Variants in CACNA1E observed in about 807,000 individuals in gnomAD.
CACNA1E encodes voltage-dependent R-type calcium channel subunit alpha-1E.
A neutral mutation model predicts 259.2 loss-of-function variants in CACNA1E; 40 were observed. That is an observed-to-expected ratio of 0.15 (90% CI 0.12 to 0.20). The LOEUF is 0.20. CACNA1E is among the 10% of genes least tolerant of loss of function. CACNA1E has a pLI of 1.00. For synonymous variants in CACNA1E, 1,104 were observed against 1,138.5 expected (o/e 0.97, Z 0.61); for missense variants, 1,874 against 3,040.1 (o/e 0.62, Z 9.02).
At chr1:181,634,257 C>A (rs936183882) in intron 6 of CACNA1E, among the ~76,000 whole-genome samples, 1 of 152,138 alleles carries the variant, frequency 6.6e-6, no homozygotes, top group Admixed American at 6.5e-5. Context: ...TAAAAGAAAT[C>A]AGGTATGAGA....
chr1:181,773,546 C>G (rs751675435), intron 37 of CACNA1E, among the ~76,000 whole-genome samples: 22 of 151,926 alleles, frequency 1.4e-4, no homozygotes, highest in Non-Finnish European at 2.6e-4. Context: ...AAGAAAAAAC[C>G]CCCTGAAATT....
At chr1:181,477,147 G>GC (rs71571281) in intron 2 of CACNA1E, among the ~76,000 whole-genome samples, 11 of 150,748 alleles carry the variant, frequency 7.3e-5, no homozygotes, top group South Asian at 6.3e-4. Flanking sequence ...CTTGTGTACT[G>GC]CCCCCCTCCC....
intron 3 of CACNA1E, among the ~76,000 whole-genome samples, chr1:181,549,706 G>T (rs12117905): frequency 0.99 from 150,947 of 151,986 alleles, 74,968 homozygotes; most frequent in Middle Eastern, 1. Flanking sequence ...TCAGAAGGAG[G>T]TTGTCAGCAG....
chr1:181,389,186 A>T (rs1228045924), intron 1 of CACNA1E, among the ~76,000 whole-genome samples: 1 of 152,184 alleles, frequency 6.6e-6, no homozygotes, highest in South Asian at 2.1e-4. Flanking sequence ...CGTGAGGCAC[A>T]TTGCAGCTTT....
intron 44 of CACNA1E, among the ~76,000 whole-genome samples, chr1:181,793,189 C>A (rs527730152): frequency 6.6e-5 from 10 of 152,308 alleles, no homozygotes; most frequent in African/African-American, 2.4e-4. Context: ...GAAGAAAACT[C>A]TTAACGTCAC....
intron 6 of CACNA1E, among the ~76,000 whole-genome samples, chr1:181,590,401 CAAA>C (rs397861970): frequency 0.014 from 1,659 of 118,580 alleles, 36 homozygotes; most frequent in Admixed American, 0.051. Context: ...GAGTCAATTA[CAAA>C]AAAAAAAAAA....
rs1010063184 is a variant in CACNA1E at position 181,800,669 on chromosome 1, C to T, written c.*1835C>T. 1 of 152,706 alleles carries T rather than the reference C, an allele frequency of 6.5e-6. No homozygotes were observed. Among genetic ancestry groups the T allele is most frequent in the African/African-American group, 2.4e-5 (1 of 41,458 alleles). 9.5% of individuals were successfully genotyped at this position (152,706 alleles called of 1,614,324 possible). ...CTCCTCCAGCCCAGACACACTCCTC[C>T]TCTTGGGCAGGAGCAATCCAGAGTT... On this transcript the variant is annotated 3_prime_UTR_variant, in exon 48 of 48. Transcript: ENST00000367573.
At chr1:181,492,553 A>G (rs963429917) in intron 1 of CACNA1E, among the ~76,000 whole-genome samples, 1 of 152,206 alleles carries the variant, frequency 6.6e-6, no homozygotes, top group African/African-American at 2.4e-5. Context: ...TATTTAGAAC[A>G]AAGTCATTAT....
At chr1:181,766,718 G>C in intron 35 of CACNA1E, 107 bp downstream of exon 35, 1 of 801,604 alleles carries the variant, frequency 1.2e-6, no homozygotes, top group Non-Finnish European at 2.1e-6. Flanking sequence ...ACCCCTTCTT[G>C]CCTAAGGGTG....
chr1:181,793,942 G>C, intron 45 of CACNA1E, 149 bp downstream of exon 45: 1 of 843,088 alleles, frequency 1.2e-6, no homozygotes. Flanking sequence ...GTCTCTAATA[G>C]AGCCTGCTTC....
chr1:181,354,359 T>C (rs188810317), intron 1 of CACNA1E, among the ~76,000 whole-genome samples: 3 of 152,240 alleles, frequency 2.0e-5, no homozygotes, highest in African/African-American at 7.2e-5. Context: ...GGAGAAAATC[T>C]GGGGCTGAGG....
chr1:181,798,218 A>T lies in CACNA1E; in HGVS notation c.6400-74A>T. 1 of 1,222,880 alleles carries T rather than the reference A, an allele frequency of 8.2e-7. No individual in the cohort carries two copies. Among genetic ancestry groups the T allele is most frequent in the South Asian group, 1.4e-5 (1 of 69,936 alleles). 75.8% of individuals were successfully genotyped at this position (1,222,880 alleles called of 1,614,324 possible). On this transcript the variant is annotated intron_variant, in intron 47 of 47. Transcript: ENST00000367573. The surrounding 1 kb of genome is among the most constrained non-coding windows in gnomAD (Gnocchi z 4.2). ...CCCTGACAGAATTCAGATTCCAAGG[A>T]CTCTCTTAACAGAGTTGCAAGTAGG...
chr1:181,665,501 G>A (rs1648129338), intron 7 of CACNA1E, among the ~76,000 whole-genome samples: 1 of 152,078 alleles, frequency 6.6e-6, no homozygotes, highest in Non-Finnish European at 1.5e-5. Context: ...TTAAAAAGAT[G>A]GCTTTTTAGA....
At chr1:181,386,846 G>T (rs1655887323) in intron 1 of CACNA1E, among the ~76,000 whole-genome samples, 1 of 152,118 alleles carries the variant, frequency 6.6e-6, no homozygotes, top group African/African-American at 2.4e-5. Flanking sequence ...TGAATCTCTT[G>T]GTTAATTGGG....
rs760611426 is a variant in CACNA1E at position 181,785,792 on chromosome 1, A to C, written c.5759A>C (p.Tyr1920Ser). The change falls in exon 43 of 48, where the codon TAC becomes TCC. Residue 1920 changes from tyrosine (Y) to serine (S), a missense_variant. Tyr to Ser is a moderately radical substitution (Grantham distance 144). Transcript: ENST00000367573. ...ATTGCTAATGCCAAAGCCCTGCCTT[A>C]CCTCCAGCAGGACCCCGTTTCAGGC... Reference protein sequence around the residue: ...EIIANAKALPYLQQDPVSGLS... With the variant: ...EIIANAKALPSLQQDPVSGLS... The C allele has an allele frequency of 6.2e-7, 1 of 1,610,956 alleles. No homozygotes were observed.
intron 1 of CACNA1E, among the ~76,000 whole-genome samples, chr1:181,486,303 A>T (rs1461672666): frequency 6.6e-6 from 1 of 152,248 alleles, no homozygotes; most frequent in Non-Finnish European, 1.5e-5. Flanking sequence ...GTTCTACAGC[A>T]TGTAGGCTGT....
intron 1 of CACNA1E, among the ~76,000 whole-genome samples, chr1:181,408,855 G>A (rs1004334391): frequency 2.6e-5 from 4 of 152,072 alleles, no homozygotes; most frequent in Non-Finnish European, 4.4e-5. Flanking sequence ...TTTTAATTTC[G>A]AAGCAGGCCC....
intron 3 of CACNA1E, among the ~76,000 whole-genome samples, chr1:181,560,679 TA>T (rs1649235657): frequency 1.3e-5 from 2 of 152,146 alleles, no homozygotes; most frequent in South Asian, 2.1e-4. Context: ...ATTAACCATA[TA>T]AACCAAATTG....
chr1:181,477,346 C>T lies in CACNA1E; in HGVS notation c.435-6398C>T, dbSNP rs542086883. On this transcript the variant is annotated intron_variant, in intron 2 of 11. Transcript: ENST00000524607. The stretch of plus-strand genomic sequence containing the variant: ...TGCACTCCACATCCCGCCTTGTATT[C>T]GAGCCCTTTGTGGGTATGTTTTCCC... 2.1e-3 allele frequency among the ~76,000 whole-genome samples: 317 copies of T among 152,246 alleles called. 2 individuals carry two copies. Among genetic ancestry groups the T allele is most frequent in the African/African-American group, 7.2e-3 (299 of 41,544 alleles).
Sources: allele counts gnomAD v4.1 joint callset (sites outside exome capture counted in the v4.1 genomes callset), GRCh38; gene constraint gnomAD v4.1.1; non-coding constraint Gnocchi (gnomAD v3.1); transcripts MANE v1.5; gene names NCBI Gene and HGNC (gene_info 2026-07-23, HGNC 2026-07-21).